TENM2: variants seen among roughly 807,000 people sequenced by gnomAD.
The protein encoded by TENM2 is teneurin-2.
A neutral mutation model predicts 245.2 loss-of-function variants in TENM2; 52 were observed. The ratio of observed to expected loss-of-function variants is 0.21; its 90% confidence interval spans 0.17 to 0.27. The LOEUF is 0.27. Ranked by LOEUF, TENM2 falls within the 10% of genes least tolerant of loss-of-function variation. The pLI, the probability that TENM2 is intolerant of heterozygous loss-of-function variation, is 1.00. For missense variants in TENM2, 3,046 were observed against 3,666.8 expected, an observed-to-expected ratio of 0.83 and a Z score of 4.37; for synonymous variants, 1,363 against 1,438.9, an observed-to-expected ratio of 0.95 and a Z score of 1.19.
chr5:167,979,493 G>T (rs1782673996), intron 4 of TENM2, among the ~76,000 whole-genome samples: 1 of 152,146 alleles, frequency 6.6e-6, no homozygotes, highest in African/African-American at 2.4e-5. Context: ...CTGGGAACTG[G>T]CCAGGTGATT....
intron 2 of TENM2, among the ~76,000 whole-genome samples, chr5:167,492,690 G>A (rs1206774405): frequency 2.6e-5 from 4 of 151,998 alleles, no homozygotes; most frequent in African/African-American, 7.2e-5. Context: ...AAACAAAAAG[G>A]CATTCAAAAA....
chr5:167,868,570 C>G (rs1302223366), intron 2 of TENM2, among the ~76,000 whole-genome samples: 3 of 151,748 alleles, frequency 2.0e-5, no homozygotes, highest in African/African-American at 4.8e-5. Context: ...AACCCCGTCT[C>G]TACTAAAAAT....
At chr5:167,593,133 T>G (rs1293334108) in intron 2 of TENM2, among the ~76,000 whole-genome samples, 2 of 152,238 alleles carry the variant, frequency 1.3e-5, no homozygotes, top group Non-Finnish European at 2.9e-5. Flanking sequence ...TGCCCATAGC[T>G]TCTGAAGGTA....
intron 2 of TENM2, among the ~76,000 whole-genome samples, chr5:167,871,137 G>A (rs1432613714): frequency 1.3e-5 from 2 of 152,086 alleles, no homozygotes; most frequent in African/African-American, 2.4e-5. Context: ...TAAGACAATG[G>A]GAGTGAGAGC....
At chr5:167,927,954 A>C (rs1777890085) in intron 3 of TENM2, among the ~76,000 whole-genome samples, 1 of 152,218 alleles carries the variant, frequency 6.6e-6, no homozygotes, top group Admixed American at 6.5e-5. Context: ...TACTGTAGGA[A>C]GACTAAATGC....
chr5:168,179,434 A>T (rs1467227897), intron 13 of TENM2, among the ~76,000 whole-genome samples: 1 of 152,218 alleles, frequency 6.6e-6, no homozygotes, highest in East Asian at 1.9e-4. Context: ...TGTGAACTGG[A>T]TGAAGCTAGG....
At chr5:167,559,772 A>T (rs1292747910) in intron 2 of TENM2, among the ~76,000 whole-genome samples, 21 of 152,194 alleles carry the variant, frequency 1.4e-4, no homozygotes, top group Admixed American at 1.3e-3. Flanking sequence ...CAAAAGTATG[A>T]AACTGTTCAT....
intron 3 of TENM2, among the ~76,000 whole-genome samples, chr5:167,885,138 T>C (rs1774182519): frequency 6.6e-6 from 1 of 152,228 alleles, no homozygotes; most frequent in African/African-American, 2.4e-5. Context: ...TCTTTATATA[T>C]TCTGGATACC....
chr5:168,223,815 G>A (rs1158402680), intron 23 of TENM2, among the ~76,000 whole-genome samples: 1 of 151,936 alleles, frequency 6.6e-6, no homozygotes, highest in Non-Finnish European at 1.5e-5. Context: ...AGAAGAAAAT[G>A]AAGATTCGTC....
chr5:167,777,877 G>T (rs974948796), intron 2 of TENM2, among the ~76,000 whole-genome samples: 1 of 152,312 alleles, frequency 6.6e-6, no homozygotes, highest in East Asian at 1.9e-4. Flanking sequence ...GTGTGTGCTT[G>T]TCCGAATTCT....
the TENM2 span, among the ~76,000 whole-genome samples, chr5:167,257,864 A>G: frequency 6.6e-6 from 1 of 152,108 alleles, no homozygotes; most frequent in South Asian, 2.1e-4. Context: ...GGTCCAAAGA[A>G]GGACAATAGT....
chr5:167,254,367 A>G, the TENM2 span, among the ~76,000 whole-genome samples: 1 of 152,140 alleles, frequency 6.6e-6, no homozygotes, highest in African/African-American at 2.4e-5. Context: ...GCCTAGAGAA[A>G]GCACTCTCCT....
intron 1 of TENM2, among the ~76,000 whole-genome samples, chr5:167,330,760 A>G (rs1171763069): frequency 6.6e-6 from 1 of 152,166 alleles, no homozygotes; most frequent in Non-Finnish European, 1.5e-5. Flanking sequence ...TTGCTATAGC[A>G]TTTGAGGTCC....
intron 3 of TENM2, among the ~76,000 whole-genome samples, chr5:167,879,448 G>A (rs549419997): frequency 1.3e-5 from 2 of 152,106 alleles, no homozygotes; most frequent in South Asian, 4.2e-4. Context: ...TATGTTTCTT[G>A]TATACAGAAG....
chr5:167,793,129 T>G (rs763997737), intron 2 of TENM2, among the ~76,000 whole-genome samples: 1 of 152,204 alleles, frequency 6.6e-6, no homozygotes, highest in Non-Finnish European at 1.5e-5. Flanking sequence ...ATAGTTAAAT[T>G]AAATTCTGAT....
chr5:167,128,665 A>G, the TENM2 span, among the ~76,000 whole-genome samples: 1 of 152,124 alleles, frequency 6.6e-6, no homozygotes, highest in African/African-American at 2.4e-5. Context: ...AGAATCAGCT[A>G]TTCTGTGTTT....
intron 25 of TENM2, chr5:168,232,327 T>G (rs996237573): frequency 6.6e-6 from 1 of 152,178 alleles, no homozygotes; most frequent in Non-Finnish European, 1.5e-5. Context: ...CTCCCCATGA[T>G]CATGTAAACT....
At chr5:167,962,247 A>G (rs1215235825) in intron 4 of TENM2, among the ~76,000 whole-genome samples, 1 of 152,100 alleles carries the variant, frequency 6.6e-6, no homozygotes, top group African/African-American at 2.4e-5. Flanking sequence ...TAAAGAAAAA[A>G]ATTGGTGGGA....
intron 1 of TENM2, among the ~76,000 whole-genome samples, chr5:167,299,642 G>A (rs1755188014): frequency 6.6e-6 from 1 of 152,194 alleles, no homozygotes; most frequent in Non-Finnish European, 1.5e-5. Context: ...GCCTTTGCTG[G>A]TGTGTGGCGA....
Sources: gnomAD v4.1 joint callset for allele counts (sites outside exome capture counted in the v4.1 genomes callset) on GRCh38, gnomAD v4.1.1 for gene constraint, MANE v1.5 for transcripts, NCBI Gene and HGNC (gene_info 2026-07-23, HGNC 2026-07-21) for gene names.